Variants in ZFTA observed in about 807,000 individuals in gnomAD.
The protein encoded by ZFTA is zinc finger translocation-associated protein.
Under a neutral mutation model 41.8 loss-of-function variants are expected in ZFTA, and 35 were observed. That is an observed-to-expected ratio of 0.84 (90% CI 0.64 to 1.11). The LOEUF (loss-of-function observed/expected upper bound fraction) is 1.11, where lower values mean the gene tolerates loss of function less well. Among genes scored for constraint, ZFTA ranks in the 50% most tolerant of loss-of-function variants. The pLI is 0.00. For missense variants in ZFTA, 964 were observed against 989.8 expected (o/e 0.97, Z 0.35); for synonymous variants, 514 against 436.4 (o/e 1.18, Z -2.22).
intron 1 of ZFTA, among the ~76,000 whole-genome samples, chr11:63,766,512 C>A (rs2014748531): frequency 6.6e-6 from 1 of 152,098 alleles, no homozygotes; most frequent in Non-Finnish European, 1.5e-5. Flanking sequence ...AAGAGGAGAT[C>A]AAGAACAAAA....
At position 63,763,449 on chromosome 11, in the gene ZFTA, T is replaced by G; in HGVS notation, c.2006A>C (p.Asp669Ala). 1 of 1,418,208 alleles carries G rather than the reference T, an allele frequency of 7.1e-7. No individual in the cohort carries two copies. The allele number at this position is 1,418,208 out of a possible 1,614,324, so 87.9% of individuals were successfully genotyped here. Residue 669 changes from aspartate (D) to alanine (A), a missense_variant, in exon 5 of 5, where the codon GAC becomes GCC. By Grantham distance (126) the Asp-to-Ala change is moderately radical. Coordinates refer to ENST00000433688, the MANE Select transcript of ZFTA (RefSeq NM_001144936.2). ...CCGACACACAGCGCCAGACTTGAGG[T>G]CCGCGCCGCCGTCACGCGGCGCCGG... ...PAPAPRDGGA[D>A]LKSGAVCRA
chr11:63,766,803 G>C (rs534980970), intron 1 of ZFTA, among the ~76,000 whole-genome samples: 1 of 152,312 alleles, frequency 6.6e-6, no homozygotes, highest in South Asian at 2.1e-4. Flanking sequence ...TTCCAGTAAT[G>C]CTTCAAATAT....
At chr11:63,766,359 G>GC (rs2014745640) in intron 1 of ZFTA, 55 bp from the exon 2 acceptor site, 1 of 1,411,746 alleles carries the variant, frequency 7.1e-7, no homozygotes, top group African/African-American at 1.5e-5. Context: ...AGGGAAAGAG[G>GC]CGAGGGCTTT....
chr11:63,767,696 G>A (rs1231687861), intron 1 of ZFTA: 3 of 152,298 alleles, frequency 2.0e-5, no homozygotes, highest in Non-Finnish European at 4.4e-5. Flanking sequence ...CTGGCCTGGA[G>A]GAAACCCTCA....
chr11:63,765,673 G>T lies in ZFTA; in HGVS notation c.637+134C>A. ...CTTCCCCCACCTTTGTATAATAAGG[G>T]CAATAAACAGACCCCACCCAGAGGA... On this transcript the variant is annotated intron_variant, in intron 2 of 4. Transcript: ENST00000433688. This position sits in a 1 kb window ranked among gnomAD's most constrained non-coding sequence, Gnocchi z 4.0. 1 of 1,231,842 alleles carries T rather than the reference G, an allele frequency of 8.1e-7. No individual in the cohort carries two copies. The highest frequency in any genetic ancestry group is 1.1e-6 in the Non-Finnish European group (1 of 925,208). 76.3% of individuals were successfully genotyped at this position (1,231,842 alleles called of 1,614,324 possible).
intron 1 of ZFTA, among the ~76,000 whole-genome samples, chr11:63,767,930 C>T (rs1322012549): frequency 6.6e-6 from 1 of 152,062 alleles, no homozygotes; most frequent in Non-Finnish European, 1.5e-5. Flanking sequence ...TGTGGGCCCC[C>T]GGGGCGCAAG....
intron 1 of ZFTA, among the ~76,000 whole-genome samples, chr11:63,766,856 C>G (rs1048929598): frequency 1.3e-5 from 2 of 152,230 alleles, no homozygotes; most frequent in Admixed American, 6.5e-5. Context: ...TAGGCATTGT[C>G]AGTTCCCCAA....
rs2014707966 is a variant in ZFTA, at chr11:63,764,317, C to G, written c.1306G>C (p.Gly436Arg). Residue 436 changes from glycine to arginine, a missense_variant, in exon 4 of 5, where the codon GGC (glycine) becomes CGC (arginine). This residue lies in a region of ZFTA where 584 missense variants were observed against 523.1 expected (regional missense o/e 1.12). Coordinates refer to ENST00000433688, the MANE Select transcript of ZFTA (RefSeq NM_001144936.2). ...YLMELDGGRR[G>R]LVCGVCGGAL... ...CCCCCGCACACCCCGCACACCAGGC[C>G]GCGCCGGCCGCCGTCCAACTCCATG... 1.4e-6 allele frequency: 2 copies of G among 1,385,762 alleles called. No homozygotes were observed. The highest frequency in any genetic ancestry group is 1.5e-5 in the African/African-American group (1 of 65,144). 85.8% of individuals were successfully genotyped at this position (1,385,762 alleles called of 1,614,324 possible).
At position 63,763,740 on chromosome 11, in the gene ZFTA, G is replaced by T. The variant is rs554330843; in HGVS notation, c.1715C>A (p.Pro572His). Residue 572 changes from proline to histidine, a missense_variant, in exon 5 of 5, where the codon CCC becomes CAC. This residue lies in a region of ZFTA where 584 missense variants were observed against 523.1 expected (regional missense o/e 1.12). Coordinates refer to ENST00000433688, the MANE Select transcript of ZFTA (RefSeq NM_001144936.2). The stretch of plus-strand genomic sequence containing the variant: ...GTTCCGCCGCTGCTCCCGGCTGCGG[G>T]GCGGGGGCGGAGGCGGGGGAGGAGG... ...PPPPPPPPPP[P>H]RSREQRRNYQ... 1 of 1,496,302 alleles carries T rather than the reference G, an allele frequency of 6.7e-7. No homozygotes were observed. The highest frequency in any genetic ancestry group is 1.3e-5 in the South Asian group (1 of 76,920). The allele number at this position is 1,496,302 out of a possible 1,614,324, so 92.7% of individuals were successfully genotyped here.
chr11:63,766,413 G>A lies in ZFTA; in HGVS notation c.140-109C>T, dbSNP rs76911957. ...AGGGAGCTGGGGGAGGGGGTGTTCC[G>A]GGGCAGGAAAGGGACGGCAACAGCA... On this transcript the variant is annotated intron_variant, in intron 1 of 4. Transcript: ENST00000433688. 4,329 of 1,267,058 alleles carry A rather than the reference G, an allele frequency of 3.4e-3. 128 individuals are homozygous for A. The African/African-American group carries it at 0.059, about 17-fold the overall frequency. 78.5% of individuals were successfully genotyped at this position (1,267,058 alleles called of 1,614,324 possible).
At position 63,768,631 on chromosome 11, in the gene ZFTA, C is replaced by G. The variant is rs1796735269; in HGVS notation, c.-9G>C. ...TCCCCGCCGGGCTCCATGCGCTGCG[C>G]TGCGGAGCGGGGCCCCGGGGCGGCG... On this transcript the variant is annotated 5_prime_UTR_variant, in exon 1 of 5. Transcript: ENST00000433688. The G allele has an allele frequency of 2.0e-6, 2 of 987,208 alleles. No homozygotes were observed. The highest frequency in any genetic ancestry group is 4.7e-5 in the South Asian group (1 of 21,408). 61.2% of individuals were successfully genotyped at this position (987,208 alleles called of 1,614,324 possible).
At position 63,763,294 on chromosome 11, in the gene ZFTA, G is replaced by C. The variant is rs1302802937; in HGVS notation, c.*124C>G. Reference sequence around the variant, plus strand: ...TCTCCGCCCGGCCCGGCCAGCGGGGGGCGCGGCCGCGGGAAGCGCTAACAC... The same window carrying C: ...TCTCCGCCCGGCCCGGCCAGCGGGGCGCGCGGCCGCGGGAAGCGCTAACAC... On this transcript the variant is annotated 3_prime_UTR_variant, in exon 5 of 5. Transcript: ENST00000433688. 3.0e-6 allele frequency: 2 copies of C among 674,406 alleles called. No individual in the cohort carries two copies. Among genetic ancestry groups the C allele is most frequent in the Non-Finnish European group, 1.9e-6 (1 of 520,242 alleles). 41.8% of individuals were successfully genotyped at this position (674,406 alleles called of 1,614,324 possible). A position where few individuals can be genotyped will look rare whatever the true frequency, so the allele number is the denominator to read the frequency against.
At chr11:63,766,434 C>CAGCAAT in intron 1 of ZFTA, 130 bp from the exon 2 acceptor site, 2 of 1,238,306 alleles carry the variant, frequency 1.6e-6, no homozygotes, top group Non-Finnish European at 2.1e-6. Context: ...GGGACGGCAA[C>CAGCAAT]AGCAATAAAA....
rs2014676925 is a variant in ZFTA at position 63,763,189 on chromosome 11, T to A, written c.*229A>T. The A allele has an allele frequency of 4.8e-6, 1 of 208,642 alleles. No individual in the cohort carries two copies. Among genetic ancestry groups the A allele is most frequent in the Non-Finnish European group, 9.6e-6 (1 of 104,396 alleles). The allele number at this position is 208,642 out of a possible 1,614,324, so 12.9% of individuals were successfully genotyped here. ...GCAGGGCTCCGGGCCGATGGGAGAG[T>A]GCGCTTCCCGCAGCGCACCGACTGG... On this transcript the variant is annotated 3_prime_UTR_variant, in exon 5 of 5. Transcript: ENST00000433688.
Position 63,765,908 on chromosome 11 carries a change from G to A in ZFTA, c.536C>T (p.Ala179Val). 1 of 1,549,722 alleles carries A rather than the reference G, an allele frequency of 6.5e-7. No individual in the cohort carries two copies. The highest frequency in any genetic ancestry group is 8.7e-7 in the Non-Finnish European group (1 of 1,146,456). ...AGCCCCCTGGACCCCCAGGCCCTCG[G>A]CCTCTCCGCAGGCCCCCAGCCCCAG... Reference protein sequence around the residue: ...AHLGLGACGEAEGLGVQGAEE... With the variant: ...AHLGLGACGEVEGLGVQGAEE... The change falls in exon 2 of 5, where the codon GCC becomes GTC. Residue 179 changes from alanine to valine, a missense_variant. Ala to Val is a moderately conservative substitution (Grantham distance 64). Around this residue, in one of 5 missense-constraint regions of ZFTA, gnomAD observed 141 missense variants for 216.7 expected, o/e 0.65. Transcript: ENST00000433688. This position sits in a 1 kb window ranked among gnomAD's most constrained non-coding sequence, Gnocchi z 4.0.
Position 63,763,503 on chromosome 11 carries a change from T to TAGCAG in ZFTA, c.1947_1951dup (p.Tyr651SerfsTer98). The TAGCAG allele has an allele frequency of 6.5e-7, 1 of 1,538,238 alleles. No individual in the cohort carries two copies. Among genetic ancestry groups the TAGCAG allele is most frequent in the South Asian group, 1.2e-5 (1 of 82,996 alleles). ...GGGCGGCCCGAAGCCCTCGTGGCCG[T>TAGCAG]AGCAGCGCAGCGCCGCCTCCTCGTA... On this transcript the variant is annotated frameshift_variant, in exon 5 of 5. Coordinates refer to ENST00000433688, the MANE Select transcript of ZFTA (RefSeq NM_001144936.2). LOFTEE classifies it high-confidence loss of function.
chr11:63,766,454 G>A (rs2014747612), intron 1 of ZFTA, 150 bp from the exon 2 acceptor site: 119 of 1,113,468 alleles, frequency 1.1e-4, no homozygotes, highest in Middle Eastern at 2.4e-4. Context: ...AGGGATGGTA[G>A]AAGTGGGAGC....
At position 63,764,402 on chromosome 11, in the gene ZFTA, C is replaced by T; in HGVS notation, c.1221G>A (p.Arg407=). ...GGCGGTGGGCGCGGCCCCGCGGCGA[C>T]CGGCCCGGGACCCCCGCCCTCTCGC... The part of the protein sequence containing the change: ...GEGERAGVPG[R]SPRGRAHRRH... The change falls in exon 4 of 5, where the codon CGG becomes CGA. Residue 407 remains arginine, a synonymous_variant. Coordinates refer to ENST00000433688, the MANE Select transcript of ZFTA (RefSeq NM_001144936.2). 1 of 1,295,658 alleles carries T rather than the reference C, an allele frequency of 7.7e-7. No homozygotes were observed. Among genetic ancestry groups the T allele is most frequent in the Non-Finnish European group, 9.8e-7 (1 of 1,025,574 alleles). 80.3% of individuals were successfully genotyped at this position (1,295,658 alleles called of 1,614,324 possible). A position where few individuals can be genotyped will look rare whatever the true frequency, so the allele number is the denominator to read the frequency against.
rs1338770624 is a variant in ZFTA at position 63,763,219 on chromosome 11, G to A, written c.*199C>T. 3 of 236,210 alleles carry A rather than the reference G, an allele frequency of 1.3e-5. No homozygotes were observed. Among genetic ancestry groups the A allele is most frequent in the South Asian group, 1.7e-4 (1 of 5,738 alleles). 14.6% of individuals were successfully genotyped at this position (236,210 alleles called of 1,614,324 possible). A position where few individuals can be genotyped will look rare whatever the true frequency, so the allele number is the denominator to read the frequency against. On this transcript the variant is annotated 3_prime_UTR_variant, in exon 5 of 5. Transcript: ENST00000433688. ...TTCCCGCAGCGCACCGACTGGCTCAGGGACCCAAGTGGCACCGCGCAGACG... is the reference window on the plus strand; with the variant it reads ...TTCCCGCAGCGCACCGACTGGCTCAAGGACCCAAGTGGCACCGCGCAGACG...
Sources: allele counts gnomAD v4.1 joint callset (sites outside exome capture counted in the v4.1 genomes callset), GRCh38; gene constraint gnomAD v4.1.1; regional missense constraint gnomAD v4.1.1; non-coding constraint Gnocchi (gnomAD v3.1); transcripts MANE v1.5; gene names NCBI Gene and HGNC (gene_info 2026-07-23, HGNC 2026-07-21).